Variants in GRM5 observed in about 807,000 individuals in gnomAD.
GRM5 encodes metabotropic glutamate receptor 5.
In GRM5, 19 loss-of-function variants were observed where a neutral mutation model predicts 83.1. The observed-to-expected ratio is 0.23, with a 90% CI of 0.16 to 0.34. GRM5 has a LOEUF of 0.34. Among genes scored for constraint, GRM5 ranks in the 10% least tolerant of loss-of-function variants. The pLI, the probability that GRM5 is intolerant of heterozygous loss-of-function variation, is 1.00. For synonymous variants in GRM5, 675 were observed against 633.6 expected, an observed-to-expected ratio of 1.07 and a Z score of -0.98; for missense variants, 1,160 against 1,588.3, an observed-to-expected ratio of 0.73 and a Z score of 4.58.
intron 8 of GRM5, among the ~76,000 whole-genome samples, chr11:88,532,658 C>T (rs778709614): frequency 6.6e-6 from 1 of 152,072 alleles, no homozygotes; most frequent in African/African-American, 2.4e-5. Context: ...GGAATTGTAA[C>T]TTTAGGGATG....
chr11:88,661,345 G>T (rs1939900300), intron 3 of GRM5, among the ~76,000 whole-genome samples: 1 of 152,074 alleles, frequency 6.6e-6, no homozygotes, highest in African/African-American at 2.4e-5. Context: ...TGTCAAATGT[G>T]CCTTATAAAT....
chr11:88,590,234 T>C (rs1937614425), intron 7 of GRM5, among the ~76,000 whole-genome samples: 1 of 152,222 alleles, frequency 6.6e-6, no homozygotes, highest in Non-Finnish European at 1.5e-5. Context: ...TGTTCTTGGA[T>C]ATGTCATGAC....
chr11:88,964,613 T>A (rs918247846), intron 2 of GRM5, among the ~76,000 whole-genome samples: 4 of 152,128 alleles, frequency 2.6e-5, no homozygotes, highest in African/African-American at 9.7e-5. Flanking sequence ...AATTATTGAC[T>A]GACAACAAAG....
At chr11:88,747,929 C>T (rs10831349) in intron 3 of GRM5, among the ~76,000 whole-genome samples, 67,625 of 151,960 alleles carry the variant, frequency 0.45, 17,965 homozygotes, top group South Asian at 0.77. Flanking sequence ...AATTCAGCAC[C>T]TTCGACTGAA....
chr11:88,631,657 C>A (rs1223356144), intron 4 of GRM5, among the ~76,000 whole-genome samples: 1 of 152,150 alleles, frequency 6.6e-6, no homozygotes, highest in East Asian at 1.9e-4. Context: ...TAAGTGATCA[C>A]TCCAAAGCTC....
intron 3 of GRM5, among the ~76,000 whole-genome samples, chr11:88,830,662 T>C (rs1314758385): frequency 6.6e-6 from 1 of 152,194 alleles, no homozygotes; most frequent in South Asian, 2.1e-4. Context: ...CTACCCACAC[T>C]GGCTGTGAGA....
At chr11:88,737,834 T>G (rs1316997985) in intron 3 of GRM5, among the ~76,000 whole-genome samples, 2 of 152,074 alleles carry the variant, frequency 1.3e-5, no homozygotes, top group Non-Finnish European at 2.9e-5. Context: ...AAACTGAAAT[T>G]TAGCTTTAAA....
intron 2 of GRM5, among the ~76,000 whole-genome samples, chr11:88,981,611 A>T (rs909910372): frequency 1.3e-5 from 2 of 152,104 alleles, no homozygotes; most frequent in African/African-American, 2.4e-5. Context: ...TACACAAAAA[A>T]AATTATTTCT....
intron 2 of GRM5, among the ~76,000 whole-genome samples, chr11:88,984,094 T>A (rs1327096636): frequency 6.6e-6 from 1 of 152,124 alleles, no homozygotes. Context: ...AAGTTTATTA[T>A]TGTAAAAAGG....
At chr11:88,882,494 G>A (rs1204883008) in intron 2 of GRM5, among the ~76,000 whole-genome samples, 2 of 150,486 alleles carry the variant, frequency 1.3e-5, no homozygotes, top group African/African-American at 4.9e-5. Context: ...CCAGGAGGTG[G>A]AGCTCGCAGT....
intron 3 of GRM5, among the ~76,000 whole-genome samples, chr11:88,838,200 G>T (rs1037430481): frequency 2.1e-5 from 3 of 145,864 alleles, no homozygotes; most frequent in African/African-American, 5.0e-5. Flanking sequence ...AGAAATAAAA[G>T]AAATATCTCA....
intron 3 of GRM5, among the ~76,000 whole-genome samples, chr11:88,718,633 T>A (rs923146005): frequency 6.6e-6 from 1 of 152,014 alleles, no homozygotes. Context: ...GTTCAAAGAC[T>A]GCCTCTTTTC....
intron 1 of GRM5, among the ~76,000 whole-genome samples, chr11:89,058,793 C>T (rs911421222): frequency 4.6e-5 from 7 of 152,086 alleles, no homozygotes; most frequent in Admixed American, 1.3e-4. Context: ...GAGTATCCTA[C>T]GATATACTTC....
chr11:88,736,521 T>A (rs987244756), intron 3 of GRM5, among the ~76,000 whole-genome samples: 1 of 152,060 alleles, frequency 6.6e-6, no homozygotes, highest in African/African-American at 2.4e-5. Context: ...AAAAGGCTAT[T>A]TTCTCAACCA....
chr11:88,941,472 GAGGGGAGGGGAGA>G (rs1565302337), intron 2 of GRM5, among the ~76,000 whole-genome samples: 829 of 75,058 alleles, frequency 0.011, 9 homozygotes, highest in African/African-American at 0.04. Flanking sequence ...GAGAAGAGAA[GAGGGGAGGGGAGA>G]GGAGGGGAGA....
At chr11:88,568,014 T>G in intron 7 of GRM5, 22 bp from the exon 8 acceptor site, 1 of 1,504,066 alleles carries the variant, frequency 6.6e-7, no homozygotes, top group Non-Finnish European at 9.2e-7. Context: ...CAAACACATA[T>G]TGTAAAGGAG....
chr11:88,814,511 T>A (rs375468030), intron 3 of GRM5, among the ~76,000 whole-genome samples: 2 of 152,088 alleles, frequency 1.3e-5, no homozygotes, highest in Non-Finnish European at 2.9e-5. Flanking sequence ...GGAAGTCTTA[T>A]AATTCACAGA....
chr11:88,800,895 T>C (rs1943380500), intron 3 of GRM5, among the ~76,000 whole-genome samples: 1 of 152,104 alleles, frequency 6.6e-6, no homozygotes, highest in African/African-American at 2.4e-5. Context: ...ATTACGTGAA[T>C]GGAAGGAATA....
chr11:88,717,097 C>CTGTT (rs974350261), intron 3 of GRM5, among the ~76,000 whole-genome samples: 1 of 152,026 alleles, frequency 6.6e-6, no homozygotes, highest in Non-Finnish European at 1.5e-5. Flanking sequence ...AGGAATGCAA[C>CTGTT]TGTTTTCCTT....
Sources: allele counts gnomAD v4.1 joint callset (sites outside exome capture counted in the v4.1 genomes callset), GRCh38; gene constraint gnomAD v4.1.1; transcripts MANE v1.5; gene names NCBI Gene and HGNC (gene_info 2026-07-23, HGNC 2026-07-21).